The following ATG10 variants were observed in gnomAD, a reference collection of about 807,000 sequenced individuals.
ATG10 encodes autophagy related 10.
ATG10 carries 30 observed loss-of-function variants against 32.1 expected under a neutral mutation model. That is an observed-to-expected ratio of 0.94 (90% confidence interval 0.70 to 1.27). The LOEUF (loss-of-function observed/expected upper bound fraction) is 1.27, where lower values mean the gene tolerates loss of function less well. Among genes scored for constraint, ATG10 ranks in the 50% most tolerant of loss-of-function variants. The probability of loss-of-function intolerance (pLI) is 0.00; values close to 1 mark genes in which losing one functional copy is unlikely to be tolerated. For missense variants in ATG10, 233 were observed against 262.3 expected (o/e 0.89, Z 0.77); for synonymous variants, 87 against 91.5 (o/e 0.95, Z 0.28).
chr5:82,183,192 C>T (rs1744301561), intron 5 of ATG10, among the ~76,000 whole-genome samples: 1 of 151,988 alleles, frequency 6.6e-6, no homozygotes, highest in African/African-American at 2.4e-5. Context: ...ATTAAATAAG[C>T]AATTAATGTT....
chr5:82,216,509 G>A (rs192027138), intron 5 of ATG10, among the ~76,000 whole-genome samples: 2 of 152,224 alleles, frequency 1.3e-5, no homozygotes, highest in East Asian at 3.9e-4. Context: ...TAATAGTATT[G>A]TTTTAAAATA....
At chr5:81,987,472 G>C in intron 1 of ATG10, 87 bp from the exon 2 acceptor site, 2 of 962,848 alleles carry the variant, frequency 2.1e-6, no homozygotes, top group Non-Finnish European at 3.1e-6. Flanking sequence ...CCCAAATTTT[G>C]GTTTATTGAC....
At chr5:82,133,327 A>G (rs1766615462) in intron 3 of ATG10, among the ~76,000 whole-genome samples, 1 of 152,108 alleles carries the variant, frequency 6.6e-6, no homozygotes, top group Admixed American at 6.6e-5. Flanking sequence ...TATGTCCTGA[A>G]TAGTATTGCC....
intron 3 of ATG10, among the ~76,000 whole-genome samples, chr5:82,066,606 C>G (rs1331534730): frequency 2.0e-5 from 3 of 152,070 alleles, no homozygotes; most frequent in Non-Finnish European, 4.4e-5. Context: ...AAAAAACAAC[C>G]TATCATAAAT....
At chr5:82,138,264 A>G (rs890167267) in intron 3 of ATG10, among the ~76,000 whole-genome samples, 1 of 151,982 alleles carries the variant, frequency 6.6e-6, no homozygotes, top group African/African-American at 2.4e-5. Context: ...TCCAGGAGCC[A>G]CTGGGGTATG....
At chr5:81,982,152 C>T (rs896753214) in intron 1 of ATG10, among the ~76,000 whole-genome samples, 2 of 152,142 alleles carry the variant, frequency 1.3e-5, no homozygotes, top group African/African-American at 4.8e-5. Flanking sequence ...AAGACTCAAG[C>T]AAAATGGATG....
chr5:82,041,957 T>C lies in ATG10; in HGVS notation c.109-16538T>C, dbSNP rs142864019. Among the ~76,000 whole-genome samples the C allele has an allele frequency of 3.3e-3, 506 of 152,336 alleles. 2 individuals carry two copies. Among genetic ancestry groups the C allele is most frequent in the African/African-American group, 0.012 (482 of 41,580 alleles). The stretch of plus-strand genomic sequence containing the variant: ...TATCTTTAGAAGTTTGATTAGGGTC[T>C]TTTTAATATCTTCTATTTTTCTGCT... On this transcript the variant is annotated intron_variant, in intron 2 of 7. Coordinates refer to ENST00000282185, the MANE Select transcript of ATG10 (RefSeq NM_031482.5).
intron 2 of ATG10, among the ~76,000 whole-genome samples, chr5:82,041,565 G>A (rs1259099382): frequency 1.3e-5 from 2 of 152,010 alleles, no homozygotes; most frequent in African/African-American, 4.8e-5. Context: ...AATAGAAAAA[G>A]GCTCCTAAAA....
intron 3 of ATG10, among the ~76,000 whole-genome samples, chr5:82,104,508 G>T (rs1165045779): frequency 1.3e-5 from 2 of 151,684 alleles, no homozygotes. Flanking sequence ...CAACTAATTT[G>T]TTTTTCTGAA....
chr5:82,253,674 C>T (rs944514264), intron 7 of ATG10, among the ~76,000 whole-genome samples: 5 of 152,160 alleles, frequency 3.3e-5, no homozygotes, highest in Admixed American at 6.5e-5. Flanking sequence ...GGCAAGCAAG[C>T]GAGCATTACC....
chr5:82,250,955 G>A (rs572743545), intron 5 of ATG10, among the ~76,000 whole-genome samples: 1 of 152,358 alleles, frequency 6.6e-6, no homozygotes, highest in East Asian at 1.9e-4. Flanking sequence ...GGCCCAGTTA[G>A]GGATGGGAAT....
At chr5:82,050,699 G>A (rs1424538773) in intron 2 of ATG10, among the ~76,000 whole-genome samples, 1 of 151,710 alleles carries the variant, frequency 6.6e-6, no homozygotes, top group Non-Finnish European at 1.5e-5. Context: ...ACTATTTCAA[G>A]TCAAAATCCT....
intron 2 of ATG10, among the ~76,000 whole-genome samples, chr5:82,016,176 G>T (rs1762280657): frequency 6.6e-6 from 1 of 152,138 alleles, no homozygotes; most frequent in South Asian, 2.1e-4. Context: ...GTCTAGAAGG[G>T]TTTTTCCAAT....
intron 5 of ATG10, among the ~76,000 whole-genome samples, chr5:82,227,103 G>A (rs73768647): frequency 0.039 from 5,915 of 152,144 alleles, 114 homozygotes; most frequent in Middle Eastern, 0.054. Flanking sequence ...GAGTTTTAAA[G>A]GAATTAATTT....
At chr5:81,993,360 C>CTTTCCTTCTTTCTTTCTTTTCTT in intron 2 of ATG10, among the ~76,000 whole-genome samples, 20 of 46,798 alleles carry the variant, frequency 4.3e-4, no homozygotes, top group Middle Eastern at 0.011. Context: ...TCTTTCTTTC[C>CTTTCCTTCTTTCTTTCTTTTCTT]TTCTTTTCTT....
intron 2 of ATG10, among the ~76,000 whole-genome samples, chr5:82,044,499 G>T (rs1366193863): frequency 6.6e-6 from 1 of 151,674 alleles, no homozygotes; most frequent in African/African-American, 2.4e-5. Flanking sequence ...TTCTTCTCAT[G>T]CTTGGTAATT....
At chr5:82,198,952 T>C (rs1257827273) in intron 5 of ATG10, among the ~76,000 whole-genome samples, 3 of 152,228 alleles carry the variant, frequency 2.0e-5, no homozygotes, top group East Asian at 3.8e-4. Context: ...TGATACATTA[T>C]ATAGCTAATT....
chr5:82,067,184 A>G (rs1280563949), intron 3 of ATG10, among the ~76,000 whole-genome samples: 1 of 152,152 alleles, frequency 6.6e-6, no homozygotes, highest in Non-Finnish European at 1.5e-5. Context: ...ACAAATTAAA[A>G]TGTAATTTAA....
intron 3 of ATG10, among the ~76,000 whole-genome samples, chr5:82,150,549 C>T (rs1479008266): frequency 6.6e-6 from 1 of 152,102 alleles, no homozygotes; most frequent in Admixed American, 6.5e-5. Flanking sequence ...AGTCCAATGC[C>T]CAGGCTTGGG....
Sources: allele counts gnomAD v4.1 joint callset (sites outside exome capture counted in the v4.1 genomes callset), GRCh38; gene constraint gnomAD v4.1.1; transcripts MANE v1.5; gene names NCBI Gene and HGNC (gene_info 2026-07-23, HGNC 2026-07-21).